CNIH3: variants seen among roughly 807,000 people sequenced by gnomAD.
The protein encoded by CNIH3 is cornichon family AMPA receptor auxiliary protein 3.
CNIH3 carries 14 observed loss-of-function variants against 24.1 expected under a neutral mutation model. That is an observed-to-expected ratio of 0.58 (90% CI 0.38 to 0.91). The LOEUF (loss-of-function observed/expected upper bound fraction) is 0.91. Ranked by LOEUF, CNIH3 falls within the 40% of genes least tolerant of loss-of-function variation. The pLI is 0.00. For synonymous variants in CNIH3, 68 were observed against 73.8 expected (o/e 0.92, Z 0.40); for missense variants, 178 against 196.8 (o/e 0.90, Z 0.57).
chr1:224,731,642 C>T (rs948453721), intron 4 of CNIH3, among the ~76,000 whole-genome samples: 10 of 152,200 alleles, frequency 6.6e-5, no homozygotes, highest in South Asian at 4.1e-4. Context: ...AGGGATTTCA[C>T]GTTAAGTGTA....
At chr1:224,718,265 A>G (rs1434384785) in intron 3 of CNIH3, among the ~76,000 whole-genome samples, 3 of 152,142 alleles carry the variant, frequency 2.0e-5, no homozygotes, top group African/African-American at 7.2e-5. Flanking sequence ...TTCTTGAGTG[A>G]TGAAGGCACT....
rs866899960 is a variant in CNIH3, at chr1:224,533,343, G to A, written n.344-3593G>A. On this transcript the variant is annotated intron_variant and non_coding_transcript_variant, in intron 2 of 2. Transcript: ENST00000470602. ...GAGGTGGGAGGATCACTTGAGCCTA[G>A]GAGTTCAAGATTACAATGAGCTCTG... 2.7e-5 allele frequency among the ~76,000 whole-genome samples: 4 copies of A among 150,004 alleles called. No homozygotes were observed. In the East Asian group the frequency reaches 7.8e-4, roughly 29 times the overall value.
At chr1:224,610,822 G>T (rs966086744) in intron 3 of CNIH3, among the ~76,000 whole-genome samples, 5 of 152,168 alleles carry the variant, frequency 3.3e-5, no homozygotes, top group Non-Finnish European at 4.4e-5. Context: ...GAAAAAGTGT[G>T]ATGTAATTTG....
intron 3 of CNIH3, among the ~76,000 whole-genome samples, chr1:224,605,933 C>T (rs1233233778): frequency 6.6e-6 from 1 of 152,160 alleles, no homozygotes; most frequent in East Asian, 1.9e-4. Flanking sequence ...TTCTTTACTG[C>T]AATGCCAATG....
At chr1:224,489,921 C>T (rs557030167) in intron 1 of CNIH3, among the ~76,000 whole-genome samples, 2 of 152,272 alleles carry the variant, frequency 1.3e-5, no homozygotes, top group African/African-American at 4.8e-5. Context: ...GGACCCCACC[C>T]TCATGACCTA....
At chr1:224,457,273 C>CTGTGTG (rs1243399447) in intron 1 of CNIH3, among the ~76,000 whole-genome samples, 1 of 28,074 alleles carries the variant, frequency 3.6e-5, no homozygotes, top group Non-Finnish European at 6.9e-5. Context: ...TCCTCTCTCT[C>CTGTGTG]TCTGTGTGTG....
chr1:224,690,887 C>T (rs558392022), intron 3 of CNIH3, among the ~76,000 whole-genome samples: 1 of 152,092 alleles, frequency 6.6e-6, no homozygotes, highest in Non-Finnish European at 1.5e-5. Context: ...CACCGGTGCT[C>T]CCACTAATGG....
At chr1:224,531,033 G>T (rs1436739599) in intron 2 of CNIH3, among the ~76,000 whole-genome samples, 1 of 152,162 alleles carries the variant, frequency 6.6e-6, no homozygotes, top group Admixed American at 6.5e-5. Context: ...GCATGGAACT[G>T]GGGGTTCAGG....
At chr1:224,560,561 G>C (rs1024100308) in intron 3 of CNIH3, among the ~76,000 whole-genome samples, 4 of 152,030 alleles carry the variant, frequency 2.6e-5, no homozygotes, top group African/African-American at 9.7e-5. Context: ...TCAGATCAGT[G>C]GTGGCATTAG....
At chr1:224,675,953 A>T (rs1052002508) in intron 1 of CNIH3, among the ~76,000 whole-genome samples, 5 of 152,232 alleles carry the variant, frequency 3.3e-5, no homozygotes, top group African/African-American at 9.6e-5. Flanking sequence ...CTTATAAATT[A>T]AATCTACACT....
intron 1 of CNIH3, among the ~76,000 whole-genome samples, chr1:224,630,519 G>A (rs550832052): frequency 8.6e-5 from 13 of 151,580 alleles, no homozygotes; most frequent in African/African-American, 2.4e-4. Context: ...AATTACCACC[G>A]CAACAAAAAA....
chr1:224,536,534 G>A (rs1176669097), intron 2 of CNIH3, among the ~76,000 whole-genome samples: 3 of 151,924 alleles, frequency 2.0e-5, no homozygotes, highest in African/African-American at 7.3e-5. Context: ...CAGGTGATCT[G>A]CCCACCTCGG....
chr1:224,625,468 A>G (rs1282368385), intron 1 of CNIH3, among the ~76,000 whole-genome samples: 1 of 152,202 alleles, frequency 6.6e-6, no homozygotes, highest in Admixed American at 6.5e-5. Flanking sequence ...AGGCAGGGGA[A>G]TGGTGTGAAC....
chr1:224,649,494 G>A (rs143060368), intron 1 of CNIH3, among the ~76,000 whole-genome samples: 1 of 152,194 alleles, frequency 6.6e-6, no homozygotes, highest in Admixed American at 6.5e-5. Context: ...GCAGCAGTAG[G>A]AACTAATACT....
intron 1 of CNIH3, among the ~76,000 whole-genome samples, chr1:224,475,721 T>C (rs1328558003): frequency 1.3e-5 from 2 of 152,190 alleles, no homozygotes; most frequent in African/African-American, 2.4e-5. Context: ...GGAATACTTG[T>C]AAACCTAATA....
intron 1 of CNIH3, among the ~76,000 whole-genome samples, chr1:224,678,023 C>A (rs553770738): frequency 6.6e-6 from 1 of 152,172 alleles, no homozygotes; most frequent in African/African-American, 2.4e-5. Flanking sequence ...GCTCAGAGCT[C>A]TGGCCTTGGT....
At chr1:224,470,709 C>T (rs188749711) in intron 1 of CNIH3, among the ~76,000 whole-genome samples, 2 of 152,282 alleles carry the variant, frequency 1.3e-5, no homozygotes, top group East Asian at 1.9e-4. Flanking sequence ...CCTCCCACTT[C>T]GGTCTCCCAA....
At chr1:224,623,165 G>A (rs114680979) in intron 1 of CNIH3, among the ~76,000 whole-genome samples, 1 of 152,202 alleles carries the variant, frequency 6.6e-6, no homozygotes, top group African/African-American at 2.4e-5. Flanking sequence ...TGAGCTCCCT[G>A]TTCTCTACTC....
chr1:224,439,963 T>C (rs1185793757), intron 1 of CNIH3, among the ~76,000 whole-genome samples: 1 of 152,242 alleles, frequency 6.6e-6, no homozygotes. Flanking sequence ...TAATTTTTTG[T>C]ATTTTTAGTA....
Sources: gnomAD v4.1 joint callset for allele counts (sites outside exome capture counted in the v4.1 genomes callset) on GRCh38, gnomAD v4.1.1 for gene constraint, MANE v1.5 for transcripts, NCBI Gene and HGNC (gene_info 2026-07-23, HGNC 2026-07-21) for gene names.